The following IRS4 variants were observed in gnomAD, a reference collection of about 807,000 sequenced individuals.
The protein encoded by IRS4 is insulin receptor substrate 4.
In IRS4, 15 loss-of-function variants were observed where a neutral mutation model predicts 48.6. The ratio of observed to expected loss-of-function variants is 0.31; its 90% CI spans 0.21 to 0.48. IRS4 has a LOEUF of 0.48. Among genes scored for constraint, IRS4 ranks in the 20% least tolerant of loss-of-function variants. IRS4 has a pLI of 0.99. For missense variants in IRS4, 987 were observed against 1,023.4 expected (o/e 0.96, Z 0.49); for synonymous variants, 459 against 413.2 (o/e 1.11, Z -1.34).
intron 1 of IRS4, chrX:108,723,057 T>G (rs954541133): frequency 8.9e-6 from 1 of 112,215 alleles, no homozygotes; most frequent in African/African-American, 3.2e-5. Context: ...AGTTCCAGCA[T>G]TATTCTCTTG....
Position 108,734,201 on chromosome X carries a change from C to A in IRS4, c.2144G>T (p.Ser715Ile), listed in dbSNP as rs1282346438. Residue 715 changes from serine to isoleucine, a missense_variant, in exon 1 of 2, where the codon AGT (serine) becomes ATT (isoleucine). Physicochemically the swap from Ser to Ile is moderately radical, Grantham distance 142. Transcript: ENST00000372129. ...TTGAGGAGCCATTGGCATATAATCA[C>A]TGGAGCTTACAAGAGGGGTGGCCAC... ...PGVATPLVSS[S>I]DYMPMAPQNV... The A allele has an allele frequency of 3.3e-6, 4 of 1,211,140 alleles. No homozygotes were observed. The highest frequency in any genetic ancestry group is 4.5e-6 in the Non-Finnish European group (4 of 895,390).
intron 1 of IRS4, among the ~76,000 whole-genome samples, chrX:108,731,685 G>T (rs1360889752): frequency 9.0e-6 from 1 of 111,567 alleles, no homozygotes; most frequent in Non-Finnish European, 1.9e-5. Context: ...GCCTTATCTT[G>T]CTTTCCTTGA....
rs771876367 is a variant in IRS4 at position 108,734,538 on chromosome X, C to T, written c.1807G>A (p.Asp603Asn). Residue 603 changes from aspartate to asparagine, a missense_variant, in exon 1 of 2, where the codon GAT becomes AAT. This residue lies in a region of IRS4 where 720 missense variants were observed against 660.3 expected (regional missense o/e 1.09). Transcript: ENST00000372129. ...GSGSGKGSDGDGERGKSLKKR... is the reference protein window; with the variant it reads ...GSGSGKGSDGNGERGKSLKKR... ...TTCAGAGATTTTCCACGTTCACCAT[C>T]ACCATCGGATCCTTTCCCACTTCCT... 15 of 1,209,576 alleles carry T rather than the reference C, an allele frequency of 1.2e-5. No individual in the cohort carries two copies. In the South Asian group the frequency reaches 1.8e-4, roughly 14 times the overall value.
intron 1 of IRS4, chrX:108,724,853 G>A (rs749855759): frequency 1.1e-4 from 12 of 111,275 alleles, no homozygotes; most frequent in African/African-American, 3.9e-4. Flanking sequence ...TTAATCAAAG[G>A]TCTTTTAAAC....
At chrX:108,724,959 A>G (rs2068868230) in intron 1 of IRS4, 3 of 111,916 alleles carry the variant, frequency 2.7e-5, no homozygotes, top group Admixed American at 9.5e-5. Context: ...ATGAGTCAAA[A>G]TATTTCCCTA....
chrX:108,721,574 A>C lies in IRS4; in HGVS notation c.*945T>G, dbSNP rs2068856130. ...TATAGTAGCCATGGGCATAAGAGGA[A>C]GAGTGTGCATTGGGGAAAATGGAGA... On this transcript the variant is annotated 3_prime_UTR_variant, in exon 2 of 2. Coordinates refer to ENST00000372129, the MANE Select transcript of IRS4 (RefSeq NM_001379150.1). 9.0e-6 allele frequency: 1 copy of C among 111,136 alleles called. No individual in the cohort carries two copies. Among genetic ancestry groups the C allele is most frequent in the Non-Finnish European group, 1.9e-5 (1 of 53,061 alleles). The allele number at this position is 111,136 out of a possible 1,213,427, so 9.2% of individuals were successfully genotyped here. A position where few individuals can be genotyped will look rare whatever the true frequency, so the allele number is the denominator to read the frequency against.
At chrX:108,732,480 A>G (rs1054351500) in intron 1 of IRS4, 99 bp downstream of exon 1, 25 of 1,177,303 alleles carry the variant, frequency 2.1e-5, no homozygotes, top group Non-Finnish European at 2.8e-5. Flanking sequence ...GAATAGCACC[A>G]GTTAATGAAA....
At chrX:108,722,739 G>A (rs2068860240) in intron 1 of IRS4, 1 of 209,385 alleles carries the variant, frequency 4.8e-6, no homozygotes, top group Non-Finnish European at 9.1e-6. Flanking sequence ...CACAAGGGCA[G>A]TTATTCTTCT....
At position 108,733,289 on chromosome X, in the gene IRS4, A is replaced by G. The variant is rs1201347079; in HGVS notation, c.3056T>C (p.Val1019Ala). The G allele has an allele frequency of 8.3e-7, 1 of 1,211,601 alleles. No homozygotes were observed. The highest frequency in any genetic ancestry group is 1.7e-5 in the African/African-American group (1 of 57,756). ...AIEEEGDYIE[V>A]IFNSAMTPAM... Reference sequence around the variant, plus strand: ...TGGTGTCATTGCTGAGTTGAAAATTACTTCAATGTAGTCACCCTCTTCCTC... The same window carrying G: ...TGGTGTCATTGCTGAGTTGAAAATTGCTTCAATGTAGTCACCCTCTTCCTC... The change falls in exon 1 of 2, where the codon GTA becomes GCA. Residue 1019 changes from valine (V) to alanine (A), a missense_variant. Val to Ala is a moderately conservative substitution (Grantham distance 64, BLOSUM62 0). This residue lies in a region of IRS4 where 720 missense variants were observed against 660.3 expected (regional missense o/e 1.09). Coordinates refer to ENST00000372129, the MANE Select transcript of IRS4 (RefSeq NM_001379150.1).
Position 108,735,346 on chromosome X carries a change from T to G in IRS4, c.999A>C (p.Ala333=), listed in dbSNP as rs775673041. Residue 333 remains alanine, a synonymous_variant, in exon 1 of 2, where the codon GCA becomes GCC. Transcript: ENST00000372129. ...TGCGGCAGCGGGCTCTGTATTCGTC[T>G]GCACACAAGGCTCTCATCTTCTCCA... is the stretch of plus-strand genomic sequence containing the variant. The part of the protein sequence containing the change: ...LFLEKMRALC[A]DEYRARCRSY... 10 of 1,211,555 alleles carry G rather than the reference T, an allele frequency of 8.3e-6. No homozygotes were observed. Among genetic ancestry groups the G allele is most frequent in the Non-Finnish European group, 1.1e-5 (10 of 895,491 alleles).
rs760934180 is a variant in IRS4, at chrX:108,735,676, T to TGCCGCC, written c.663_668dup (p.Ala225_Ala226dup). The TGCCGCC allele has an allele frequency of 3.4e-6, 4 of 1,181,932 alleles. No homozygotes were observed. In the African/African-American group the frequency reaches 7.3e-5, roughly 22 times the overall value. On this transcript the variant is annotated inframe_insertion, in exon 1 of 2. Transcript: ENST00000372129. ...TATAGAAGGGTGGCTCCGCCGCCGC[T>TGCCGCC]GCCGCCGCCAGCGCGGCCGGCTCTC...
In IRS4 at chrX:108,736,559, G is replaced by A; in HGVS notation, c.-215C>T. 1.7e-6 allele frequency: 1 copy of A among 582,413 alleles called. No homozygotes were observed. The highest frequency in any genetic ancestry group is 2.7e-6 in the Non-Finnish European group (1 of 375,249). 48.0% of individuals were successfully genotyped at this position (582,413 alleles called of 1,213,427 possible). A position where few individuals can be genotyped will look rare whatever the true frequency, so the allele number is the denominator to read the frequency against. On this transcript the variant is annotated 5_prime_UTR_variant, in exon 1 of 2. Transcript: ENST00000372129. ...GGCCGCTGCGGATCCTGCTACCGGC[G>A]CAATGGAGGGGCGCGAGCGGCCACC...
Position 108,734,638 on chromosome X carries a change from G to C in IRS4, c.1707C>G (p.Gly569=). 1 of 1,211,094 alleles carries C rather than the reference G, an allele frequency of 8.3e-7. No homozygotes were observed. Among genetic ancestry groups the C allele is most frequent in the Non-Finnish European group, 1.1e-6 (1 of 895,310 alleles). The change falls in exon 1 of 2, where the codon GGC becomes GGG. Residue 569 remains glycine, a synonymous_variant. Coordinates refer to ENST00000372129, the MANE Select transcript of IRS4 (RefSeq NM_001379150.1). Reference sequence around the variant, plus strand: ...CTCCAGGTCCCTGGCCACCACCTGAGCCATGCCCACCTCCAGGTCTCTGGC... The same window carrying C: ...CTCCAGGTCCCTGGCCACCACCTGACCCATGCCCACCTCCAGGTCTCTGGC... The part of the protein sequence containing the change: ...GGGQRPGGGH[G]SGGGQGPGDG...
Position 108,736,537 on chromosome X carries a change from C to T in IRS4, c.-193G>A. On this transcript the variant is annotated 5_prime_UTR_variant, in exon 1 of 2. Coordinates refer to ENST00000372129, the MANE Select transcript of IRS4 (RefSeq NM_001379150.1). ...CGTGACCACAGCCTCACGCGGCGGC[C>T]GCTGCGGATCCTGCTACCGGCGCAA... is the stretch of plus-strand genomic sequence containing the variant. 1.4e-6 allele frequency: 1 copy of T among 692,568 alleles called. No homozygotes were observed. The highest frequency in any genetic ancestry group is 2.1e-6 in the Non-Finnish European group (1 of 469,762). 57.1% of individuals were successfully genotyped at this position (692,568 alleles called of 1,213,427 possible).
At position 108,736,064 on chromosome X, in the gene IRS4, C is replaced by T; in HGVS notation, c.281G>A (p.Arg94His). The T allele has an allele frequency of 1.7e-6, 2 of 1,210,588 alleles. No homozygotes were observed. Among genetic ancestry groups the T allele is most frequent in the Non-Finnish European group, 2.2e-6 (2 of 895,245 alleles). Residue 94 changes from arginine to histidine, a missense_variant, in exon 1 of 2, where the codon CGC becomes CAC. Arg to His is a conservative substitution (Grantham distance 29). Around this residue, in one of 4 missense-constraint regions of IRS4, gnomAD observed 173 missense variants for 208.9 expected, o/e 0.83. Transcript: ENST00000372129. Reference sequence around the variant, plus strand: ...AGTCTCGAGTTTGAGCACGAAGTAGCGCCTGTGCCCATGCTTCTGTTTCCG... The same window carrying T: ...AGTCTCGAGTTTGAGCACGAAGTAGTGCCTGTGCCCATGCTTCTGTTTCCG... ...YLRKQKHGHR[R>H]YFVLKLETAD...
chrX:108,734,229 C>T lies in IRS4; in HGVS notation c.2116G>A (p.Gly706Arg), dbSNP rs1465841309. Reference sequence around the variant, plus strand: ...GAGCTTACAAGAGGGGTGGCCACCCCTGGCCTCATTGGCACGTATGGGTCA... The same window carrying T: ...GAGCTTACAAGAGGGGTGGCCACCCTTGGCCTCATTGGCACGTATGGGTCA... ...EDDPYVPMRP[G>R]VATPLVSSSD... is the part of the protein sequence containing the mutation. The change falls in exon 1 of 2, where the codon GGG becomes AGG. Residue 706 changes from glycine to arginine, a missense_variant. By Grantham distance (125) the Gly-to-Arg change is moderately radical. This residue lies in a region of IRS4 where 720 missense variants were observed against 660.3 expected (regional missense o/e 1.09). Transcript: ENST00000372129. The T allele has an allele frequency of 1.7e-6, 2 of 1,211,500 alleles. No individual in the cohort carries two copies. Among genetic ancestry groups the T allele is most frequent in the Non-Finnish European group, 2.2e-6 (2 of 895,429 alleles).
At chrX:108,722,608 CACAAA>C (rs1309589864) in intron 1 of IRS4, 85 bp from the exon 2 acceptor site, 1 of 278,551 alleles carries the variant, frequency 3.6e-6, no homozygotes, top group Non-Finnish European at 6.8e-6. Flanking sequence ...AACAAAACAA[CACAAA>C]ACAAAACAAA....
In IRS4 at chrX:108,730,126, T is replaced by A. The variant is rs187339500; in HGVS notation, c.3766+2453A>T. Among the ~76,000 whole-genome samples the A allele has an allele frequency of 3.9e-4, 44 of 112,059 alleles. 1 individual carries two copies. The highest frequency in any genetic ancestry group is 3.7e-3 in the Admixed American group (39 of 10,573). ...TGATTGTTTTTGTTTTAATGTTAGA[T>A]AGGAAAATAGAGATCAGAAATGAGT... On this transcript the variant is annotated intron_variant, in intron 1 of 1. Transcript: ENST00000372129.
Position 108,736,282 on chromosome X carries a change from C to T in IRS4, c.63G>A (p.Ala21=), listed in dbSNP as rs2073114. Residue 21 remains alanine (A), a synonymous_variant, in exon 1 of 2, where the codon GCG becomes GCA. Coordinates refer to ENST00000372129, the MANE Select transcript of IRS4 (RefSeq NM_001379150.1). ...CCACTGCTGCTAGAGCTGCCGCTGC[C>T]GCCGCTGCTGCACCTCTTAGTCTTC... is the stretch of plus-strand genomic sequence containing the variant. ...ATRRLRGAAA[A]AAAALAAVVT... 0.27 allele frequency: 323,851 copies of T among 1,202,303 alleles called. 39,372 individuals are homozygous for T. Among genetic ancestry groups the T allele is most frequent in the East Asian group, 0.68 (22,676 of 33,151 alleles).
Sources: gnomAD v4.1 joint callset for allele counts (sites outside exome capture counted in the v4.1 genomes callset) on GRCh38, gnomAD v4.1.1 for gene constraint, gnomAD v4.1.1 regional missense constraint, MANE v1.5 for transcripts, NCBI Gene and HGNC (gene_info 2026-07-23, HGNC 2026-07-21) for gene names.